The following PDZRN3 variants were observed in gnomAD, a reference collection of about 807,000 sequenced individuals.
The protein encoded by PDZRN3 is E3 ubiquitin-protein ligase PDZRN3.
Under a neutral mutation model 85.7 loss-of-function variants are expected in PDZRN3, and 38 were observed. The ratio of observed to expected loss-of-function variants is 0.44; its 90% CI spans 0.34 to 0.58. The LOEUF is 0.58. Ranked by LOEUF, PDZRN3 falls within the 20% of genes least tolerant of loss-of-function variation. The pLI, the probability that PDZRN3 is intolerant of heterozygous loss-of-function variation, is 0.01. For missense variants in PDZRN3, 1,629 were observed against 1,506.4 expected, an observed-to-expected ratio of 1.08 and a Z score of -1.35; for synonymous variants, 759 against 638.0, an observed-to-expected ratio of 1.19 and a Z score of -2.86.
intron 3 of PDZRN3, among the ~76,000 whole-genome samples, chr3:73,475,925 A>C (rs542859219): frequency 1.3e-5 from 2 of 152,346 alleles, no homozygotes; most frequent in East Asian, 3.9e-4. Flanking sequence ...ACCTACCCGC[A>C]AAATGTACCA....
At chr3:73,404,626 G>T in intron 3 of PDZRN3, 1 of 489,366 alleles carries the variant, frequency 2.0e-6, no homozygotes, top group Non-Finnish European at 3.6e-6. Context: ...ACAGCGGGAA[G>T]GCTTAGCTTC....
At chr3:73,589,316 T>C (rs1702321193) in intron 3 of PDZRN3, among the ~76,000 whole-genome samples, 1 of 152,234 alleles carries the variant, frequency 6.6e-6, no homozygotes, top group Non-Finnish European at 1.5e-5. Flanking sequence ...CACCTAGAAC[T>C]GGGATGGATT....
chr3:73,413,404 C>T (rs149903145), intron 3 of PDZRN3, among the ~76,000 whole-genome samples: 3 of 152,180 alleles, frequency 2.0e-5, no homozygotes, highest in Admixed American at 1.3e-4. Context: ...TGACACTGAA[C>T]GCCACACATG....
intron 3 of PDZRN3, among the ~76,000 whole-genome samples, chr3:73,428,918 G>T (rs1424435622): frequency 1.3e-5 from 2 of 151,700 alleles, no homozygotes; most frequent in East Asian, 1.9e-4. Context: ...CCAGAGAAGG[G>T]GTCTTGCTCT....
At chr3:73,462,310 G>A (rs1424003182) in intron 3 of PDZRN3, among the ~76,000 whole-genome samples, 2 of 152,068 alleles carry the variant, frequency 1.3e-5, no homozygotes, top group East Asian at 3.9e-4. Flanking sequence ...ACTTGAGGCC[G>A]AGGCGGGCAG....
intron 9 of PDZRN3, 95 bp downstream of exon 9, chr3:73,385,574 C>T (rs1436133306): frequency 2.7e-6 from 2 of 742,926 alleles, no homozygotes; most frequent in East Asian, 5.1e-5. Flanking sequence ...GGATGGACTT[C>T]TGATGGTCTT....
At chr3:73,582,993 G>A (rs1235261810) in intron 3 of PDZRN3, among the ~76,000 whole-genome samples, 2 of 152,096 alleles carry the variant, frequency 1.3e-5, no homozygotes, top group Non-Finnish European at 1.5e-5. Context: ...CTCACTGCCT[G>A]AGCTCATTGT....
At chr3:73,423,401 G>A (rs959163966) in intron 3 of PDZRN3, among the ~76,000 whole-genome samples, 3 of 152,222 alleles carry the variant, frequency 2.0e-5, no homozygotes, top group African/African-American at 7.2e-5. Flanking sequence ...AACGCACTGG[G>A]AGAAAACTGT....
At chr3:73,460,659 C>T (rs930787764) in intron 3 of PDZRN3, among the ~76,000 whole-genome samples, 4 of 152,020 alleles carry the variant, frequency 2.6e-5, no homozygotes, top group Non-Finnish European at 4.4e-5. Context: ...CATGAAGGTG[C>T]TCTTAGTAAG....
chr3:73,424,346 A>G (rs576657370), intron 3 of PDZRN3, among the ~76,000 whole-genome samples: 157 of 133,290 alleles, frequency 1.2e-3, no homozygotes, highest in African/African-American at 4.0e-3. Flanking sequence ...CCTGGCTAAC[A>G]TGGTGAAACC....
chr3:73,492,454 A>T (rs908424633), intron 3 of PDZRN3, among the ~76,000 whole-genome samples: 2 of 152,172 alleles, frequency 1.3e-5, no homozygotes, highest in Non-Finnish European at 2.9e-5. Flanking sequence ...ATATGCTCTA[A>T]AAAATATGGG....
chr3:73,383,812 G>C lies in PDZRN3; in HGVS notation c.2754C>G (p.Arg918=). Residue 918 remains arginine, a synonymous_variant, in exon 10 of 10, where the codon CGC becomes CGG. Coordinates refer to ENST00000263666, the MANE Select transcript of PDZRN3 (RefSeq NM_015009.3). ...DLSSPTPSEP[R]MEWKVKIRSD... ...TGCGGATCTTCACCTTCCACTCCAT[G>C]CGCGGCTCCGACGGGGTGGGAGAGC... is the stretch of plus-strand genomic sequence containing the variant. The C allele has an allele frequency of 6.2e-7, 1 of 1,613,576 alleles. No individual in the cohort carries two copies. Among genetic ancestry groups the C allele is most frequent in the South Asian group, 1.1e-5 (1 of 91,084 alleles).
chr3:73,413,965 C>G (rs1353908883), intron 3 of PDZRN3, among the ~76,000 whole-genome samples: 1 of 152,162 alleles, frequency 6.6e-6, no homozygotes, highest in Non-Finnish European at 1.5e-5. Context: ...TGGATCTTCA[C>G]TAACCTACCG....
chr3:73,447,566 C>G (rs988392552), intron 3 of PDZRN3, among the ~76,000 whole-genome samples: 1 of 152,216 alleles, frequency 6.6e-6, no homozygotes, highest in African/African-American at 2.4e-5. Flanking sequence ...ACTACTATAG[C>G]TGTCCCATCT....
At chr3:73,445,623 G>T (rs2030617422) in intron 3 of PDZRN3, among the ~76,000 whole-genome samples, 1 of 152,194 alleles carries the variant, frequency 6.6e-6, no homozygotes, top group South Asian at 2.1e-4. Flanking sequence ...ATGACCAATG[G>T]TTTAAGAGAA....
At chr3:73,503,240 G>A (rs1704014661) in intron 3 of PDZRN3, among the ~76,000 whole-genome samples, 1 of 152,036 alleles carries the variant, frequency 6.6e-6, no homozygotes, top group African/African-American at 2.4e-5. Context: ...TGTTTTAATG[G>A]TTCCCTCAAA....
rs1240972850 is a variant in PDZRN3, at chr3:73,566,056, AG to A, written c.918+36297del. ...GAATATCCAGAGCATTCAGGTAATT[AG>A]GAAAAAAGGCAAGGGAGTAAAAACC... is the stretch of plus-strand genomic sequence containing the variant. On this transcript the variant is annotated intron_variant, in intron 3 of 9. Coordinates refer to ENST00000263666, the MANE Select transcript of PDZRN3 (RefSeq NM_015009.3). Among the ~76,000 whole-genome samples the A allele has an allele frequency of 2.6e-5, 4 of 152,362 alleles. No individual in the cohort carries two copies. The East Asian group carries it at 7.7e-4, about 29-fold the overall frequency.
chr3:73,449,366 T>A (rs1453782728), intron 3 of PDZRN3, among the ~76,000 whole-genome samples: 3 of 145,118 alleles, frequency 2.1e-5, no homozygotes, highest in African/African-American at 2.5e-5. Flanking sequence ...CATCAGTCTT[T>A]AAAAAAAAAA....
chr3:73,602,305 A>G lies in PDZRN3; in HGVS notation c.918+49T>C, dbSNP rs756242802. On this transcript the variant is annotated intron_variant, in intron 3 of 9. Transcript: ENST00000263666. ...ACATCTTGCTTTGAGCTAGACGAAG[A>G]TGGGATGGCATTCAGCCTATTCAAA... 11 of 994,700 alleles carry G rather than the reference A, an allele frequency of 1.1e-5. No homozygotes were observed. In the Admixed American group the frequency reaches 2.0e-4, roughly 18 times the overall value. 61.6% of individuals were successfully genotyped at this position (994,700 alleles called of 1,614,324 possible).
Sources: gnomAD v4.1 joint callset for allele counts (sites outside exome capture counted in the v4.1 genomes callset) on GRCh38, gnomAD v4.1.1 for gene constraint, MANE v1.5 for transcripts, NCBI Gene and HGNC (gene_info 2026-07-23, HGNC 2026-07-21) for gene names.